The following ERI3 variants were observed in gnomAD, a reference collection of about 807,000 sequenced individuals.
The protein encoded by ERI3 is ERI1 exoribonuclease 3.
In ERI3, 18 loss-of-function variants were observed where a neutral mutation model predicts 44.4. The observed-to-expected ratio is 0.41, with a 90% CI of 0.28 to 0.60. The LOEUF (loss-of-function observed/expected upper bound fraction) is 0.60, where lower values mean the gene tolerates loss of function less well. Ranked by LOEUF, ERI3 falls within the 20% of genes least tolerant of loss-of-function variation. The pLI is 0.36. For synonymous variants in ERI3, 183 were observed against 164.8 expected, an observed-to-expected ratio of 1.11 and a Z score of -0.84; for missense variants, 294 against 435.5, an observed-to-expected ratio of 0.68 and a Z score of 2.89.
intron 5 of ERI3, among the ~76,000 whole-genome samples, chr1:44,310,593 G>A (rs1054509056): frequency 6.6e-6 from 1 of 152,148 alleles, no homozygotes; most frequent in Non-Finnish European, 1.5e-5. Context: ...GTGCTCAGCA[G>A]GAAAGAGACA....
chr1:44,293,111 G>A (rs1404348661), intron 6 of ERI3, among the ~76,000 whole-genome samples: 1 of 152,258 alleles, frequency 6.6e-6, no homozygotes, highest in East Asian at 1.9e-4. Flanking sequence ...TTTCTAGGGA[G>A]AACTCTGGCA....
At chr1:44,255,053 G>T (rs934552637) in intron 7 of ERI3, among the ~76,000 whole-genome samples, 7 of 152,134 alleles carry the variant, frequency 4.6e-5, no homozygotes, top group Non-Finnish European at 8.8e-5. Context: ...CTACCCCATA[G>T]AATTGATGTG....
intron 7 of ERI3, among the ~76,000 whole-genome samples, chr1:44,259,420 G>A (rs1345690077): frequency 6.6e-6 from 1 of 152,142 alleles, no homozygotes; most frequent in African/African-American, 2.4e-5. Context: ...TGGCTGATGA[G>A]GAAGGCAGGA....
chr1:44,296,203 GGGA>G (rs567602292), intron 6 of ERI3, among the ~76,000 whole-genome samples: 13 of 152,288 alleles, frequency 8.5e-5, no homozygotes, highest in Non-Finnish European at 1.6e-4. Flanking sequence ...GCAGACAATG[GGGA>G]GGAGAAGTCT....
At chr1:44,286,638 A>G (rs1215582036) in intron 6 of ERI3, among the ~76,000 whole-genome samples, 1 of 152,192 alleles carries the variant, frequency 6.6e-6, no homozygotes, top group Non-Finnish European at 1.5e-5. Flanking sequence ...CCATCAGACC[A>G]TCATCACACA....
At chr1:44,333,315 T>C (rs981620362) in intron 3 of ERI3, among the ~76,000 whole-genome samples, 4 of 152,242 alleles carry the variant, frequency 2.6e-5, no homozygotes, top group Non-Finnish European at 4.4e-5. Context: ...TTTAGAAGAA[T>C]AGCGTCAGCG....
chr1:44,233,708 A>C (rs186772327), intron 8 of ERI3, among the ~76,000 whole-genome samples: 2 of 152,150 alleles, frequency 1.3e-5, no homozygotes, highest in Admixed American at 1.3e-4. Flanking sequence ...TTTCTTCTGC[A>C]TTGGTTCCTT....
chr1:44,248,643 T>G (rs1039196729), intron 7 of ERI3, among the ~76,000 whole-genome samples: 4 of 151,782 alleles, frequency 2.6e-5, no homozygotes, highest in Non-Finnish European at 4.4e-5. Flanking sequence ...CTTGGTCAAC[T>G]CAAGCAGCTG....
At position 44,339,341 on chromosome 1, in the gene ERI3, AAAAAAAAAAAAAAAAAAGAAAAG is replaced by A; in HGVS notation, c.212-42_212-20del. On this transcript the variant is annotated intron_variant, in intron 2 of 8. Coordinates refer to ENST00000372257, the MANE Select transcript of ERI3 (RefSeq NM_024066.3). ...TCTAAAACTTAGGGGAGGAAAGTTT[AAAAAAAAAAAAAAAAAAGAAAAG>A]AAAGAAAAAAAAAAAAAGAACAGAG... The A allele has an allele frequency of 5.7e-6, 2 of 347,904 alleles. No homozygotes were observed. The highest frequency in any genetic ancestry group is 6.1e-5 in the South Asian group (1 of 16,448). The allele number at this position is 347,904 out of a possible 1,614,324, so 21.6% of individuals were successfully genotyped here.
At chr1:44,256,316 T>G (rs896593830) in intron 7 of ERI3, among the ~76,000 whole-genome samples, 5 of 152,202 alleles carry the variant, frequency 3.3e-5, no homozygotes, top group Admixed American at 6.5e-5. Flanking sequence ...CTCAGTTGCC[T>G]GTTTTAAGGA....
At chr1:44,313,624 A>G (rs535660215) in intron 4 of ERI3, among the ~76,000 whole-genome samples, 30 of 152,272 alleles carry the variant, frequency 2.0e-4, no homozygotes, top group African/African-American at 7.0e-4. Context: ...TCCTAGCTTC[A>G]CAGAAGTTCC....
At chr1:44,256,168 A>G (rs1166911287) in intron 7 of ERI3, among the ~76,000 whole-genome samples, 2 of 152,022 alleles carry the variant, frequency 1.3e-5, no homozygotes, top group Non-Finnish European at 2.9e-5. Flanking sequence ...CTTTGGGTAT[A>G]ATTCTACCAA....
chr1:44,351,517 T>G (rs1299677574), intron 2 of ERI3, among the ~76,000 whole-genome samples: 1 of 152,270 alleles, frequency 6.6e-6, no homozygotes, highest in Non-Finnish European at 1.5e-5. Flanking sequence ...CTTTTCATAC[T>G]GTCTGTGGCT....
Position 44,221,345 on chromosome 1 carries a change from T to TG in ERI3, c.*212dup. ...CTGGGCTGAGATTGAGGGGTGGGGA[T>TG]GGGGGGCACAAAGTGTCTGCTCCAG... On this transcript the variant is annotated 3_prime_UTR_variant, in exon 9 of 9. Coordinates refer to ENST00000372257, the MANE Select transcript of ERI3 (RefSeq NM_024066.3). The surrounding 1 kb of genome is among the most constrained non-coding windows in gnomAD (Gnocchi z 5.9). 5.4e-6 allele frequency: 3 copies of TG among 558,466 alleles called. No individual in the cohort carries two copies. The highest frequency in any genetic ancestry group is 3.2e-5 in the Admixed American group (1 of 30,946). The allele number at this position is 558,466 out of a possible 1,614,324, so 34.6% of individuals were successfully genotyped here.
At chr1:44,258,329 A>G (rs1449922348) in intron 7 of ERI3, among the ~76,000 whole-genome samples, 1 of 152,212 alleles carries the variant, frequency 6.6e-6, no homozygotes, top group African/African-American at 2.4e-5. Flanking sequence ...TTTATTGAGC[A>G]TGCGGCACTA....
chr1:44,314,262 G>A (rs1440744839), intron 4 of ERI3, among the ~76,000 whole-genome samples: 1 of 152,080 alleles, frequency 6.6e-6, no homozygotes, highest in Non-Finnish European at 1.5e-5. Flanking sequence ...TTTTCTCATG[G>A]TGACTTACAT....
Position 44,280,995 on chromosome 1 carries a change from C to T in ERI3, c.831+3840G>A, listed in dbSNP as rs114306506. 8.3e-3 allele frequency among the ~76,000 whole-genome samples: 1,259 copies of T among 152,326 alleles called. 18 individuals are homozygous for T. The highest frequency in any genetic ancestry group is 0.028 in the African/African-American group (1,166 of 41,576). Reference sequence around the variant, plus strand: ...ACAAAAGACACAAATTCTTTCTCCTCTTAGAACTTACATTCTAGTTTCATG... The same window carrying T: ...ACAAAAGACACAAATTCTTTCTCCTTTTAGAACTTACATTCTAGTTTCATG... On this transcript the variant is annotated intron_variant, in intron 7 of 8. Transcript: ENST00000372257.
intron 1 of ERI3, chr1:44,354,390 T>A: frequency 1.0e-6 from 1 of 985,440 alleles, no homozygotes; most frequent in African/African-American, 1.7e-5. Context: ...CAGTTATATT[T>A]TGCAAGAACT....
intron 8 of ERI3, among the ~76,000 whole-genome samples, chr1:44,237,306 C>T (rs1644328629): frequency 6.6e-6 from 1 of 152,210 alleles, no homozygotes; most frequent in Non-Finnish European, 1.5e-5. Flanking sequence ...CCTCAGCAAA[C>T]ATTTTCTGAA....
Sources: allele counts gnomAD v4.1 joint callset (sites outside exome capture counted in the v4.1 genomes callset), GRCh38; gene constraint gnomAD v4.1.1; non-coding constraint Gnocchi (gnomAD v3.1); transcripts MANE v1.5; gene names NCBI Gene and HGNC (gene_info 2026-07-23, HGNC 2026-07-21).